Variants in FAM241A observed in about 807,000 individuals in gnomAD.
FAM241A encodes the protein family with sequence similarity 241 member A.
FAM241A carries 7 observed loss-of-function variants against 12.2 expected under a neutral mutation model. That is an observed-to-expected ratio of 0.58 (90% confidence interval 0.33 to 1.08). The LOEUF (loss-of-function observed/expected upper bound fraction) is 1.08. Ranked by LOEUF, FAM241A falls within the 50% of genes least tolerant of loss-of-function variation. FAM241A has a pLI of 0.04. For synonymous variants in FAM241A, 74 were observed against 68.2 expected (o/e 1.08, Z -0.42); for missense variants, 161 against 169.7 (o/e 0.95, Z 0.29).
At chr4:112,179,935 A>ATG (rs1553921429) in intron 1 of FAM241A, among the ~76,000 whole-genome samples, 4 of 127,980 alleles carry the variant, frequency 3.1e-5, no homozygotes, top group Non-Finnish European at 3.3e-5. Context: ...ATATATATAT[A>ATG]TATGTATATG....
intron 1 of FAM241A, among the ~76,000 whole-genome samples, chr4:112,154,293 C>CAA (rs1471804858): frequency 6.6e-6 from 1 of 152,088 alleles, no homozygotes; most frequent in African/African-American, 2.4e-5. Flanking sequence ...ATTTTTGAGA[C>CAA]AGAGTCCTTT....
intron 1 of FAM241A, among the ~76,000 whole-genome samples, chr4:112,160,660 A>C (rs1461648690): frequency 6.6e-6 from 1 of 152,244 alleles, no homozygotes; most frequent in Non-Finnish European, 1.5e-5. Flanking sequence ...AAGTTATACT[A>C]CAGAGCTTTA....
chr4:112,155,586 T>C (rs756822891), intron 1 of FAM241A, among the ~76,000 whole-genome samples: 16 of 151,818 alleles, frequency 1.1e-4, no homozygotes, highest in Non-Finnish European at 1.6e-4. Flanking sequence ...TAGTACATTT[T>C]TACATTTAAT....
At chr4:112,165,208 A>G (rs1219697460) in intron 1 of FAM241A, among the ~76,000 whole-genome samples, 1 of 152,238 alleles carries the variant, frequency 6.6e-6, no homozygotes, top group African/African-American at 2.4e-5. Context: ...ATGAGATATC[A>G]TCTCACACCA....
intron 1 of FAM241A, among the ~76,000 whole-genome samples, chr4:112,168,986 G>T (rs1365591550): frequency 1.3e-5 from 2 of 152,110 alleles, no homozygotes; most frequent in African/African-American, 4.8e-5. Context: ...TATTAGTCAT[G>T]CCTACATGTT....
chr4:112,153,020 T>C (rs571055026), intron 1 of FAM241A, among the ~76,000 whole-genome samples: 2 of 152,332 alleles, frequency 1.3e-5, no homozygotes, highest in South Asian at 2.1e-4. Context: ...CCTCCCCTTA[T>C]TTCCCTCAAC....
chr4:112,158,795 T>G (rs1283733758), intron 1 of FAM241A, among the ~76,000 whole-genome samples: 1 of 152,198 alleles, frequency 6.6e-6, no homozygotes, highest in Admixed American at 6.5e-5. Flanking sequence ...TCAGTGTATT[T>G]AGGATATCCA....
In FAM241A at chr4:112,193,291, G is replaced by T. The variant is rs1724202553; in HGVS notation, c.*6353G>T. 1 of 152,122 alleles carries T rather than the reference G, an allele frequency of 6.6e-6. No homozygotes were observed. Among genetic ancestry groups the T allele is most frequent in the African/African-American group, 2.4e-5 (1 of 41,400 alleles). The allele number at this position is 152,122 out of a possible 1,614,324, so 9.4% of individuals were successfully genotyped here. ...GGTTGCGAAAATTTTCTGCCATTTT[G>T]TAAGTTGCCTGTTCACTCTGATGGT... is the stretch of plus-strand genomic sequence containing the variant. On this transcript the variant is annotated 3_prime_UTR_variant, in exon 2 of 2. Transcript: ENST00000309733.
At chr4:112,156,763 T>C (rs1723361204) in intron 1 of FAM241A, among the ~76,000 whole-genome samples, 2 of 152,162 alleles carry the variant, frequency 1.3e-5, no homozygotes, top group Admixed American at 1.3e-4. Context: ...GAACTAGTGA[T>C]GTTAGTTGTG....
At chr4:112,156,587 T>A (rs532599490) in intron 1 of FAM241A, among the ~76,000 whole-genome samples, 12 of 152,334 alleles carry the variant, frequency 7.9e-5, no homozygotes, top group African/African-American at 2.9e-4. Context: ...TGTCAAAACT[T>A]CTTCTCCAAA....
rs968123374 is a variant in FAM241A at position 112,192,308 on chromosome 4, C to T, written c.*5370C>T. 2 of 151,730 alleles carry T rather than the reference C, an allele frequency of 1.3e-5. No homozygotes were observed. The highest frequency in any genetic ancestry group is 4.8e-5 in the African/African-American group (2 of 41,264). 9.4% of individuals were successfully genotyped at this position (151,730 alleles called of 1,614,324 possible). On this transcript the variant is annotated 3_prime_UTR_variant, in exon 2 of 2. Transcript: ENST00000309733. ...TTTTGTTCAGTATTTTTTAATAGACCTTTATTTACTACATTTTAATTTTTT... is the reference window on the plus strand; with the variant it reads ...TTTTGTTCAGTATTTTTTAATAGACTTTTATTTACTACATTTTAATTTTTT...
At chr4:112,178,487 T>C (rs1350126980) in intron 1 of FAM241A, among the ~76,000 whole-genome samples, 4 of 152,166 alleles carry the variant, frequency 2.6e-5, no homozygotes, top group African/African-American at 9.7e-5. Context: ...GCTTGTTTTG[T>C]CTGCTTTGTC....
At chr4:112,168,220 A>C (rs1484395364) in intron 1 of FAM241A, among the ~76,000 whole-genome samples, 2 of 152,258 alleles carry the variant, frequency 1.3e-5, no homozygotes, top group African/African-American at 4.8e-5. Context: ...GAGTTTTTTC[A>C]CAAGAAATGT....
intron 1 of FAM241A, among the ~76,000 whole-genome samples, chr4:112,164,147 G>A (rs1459609871): frequency 6.6e-6 from 1 of 150,918 alleles, no homozygotes; most frequent in African/African-American, 2.4e-5. Flanking sequence ...ATAGCATTAG[G>A]GGATATACCT....
intron 1 of FAM241A, among the ~76,000 whole-genome samples, chr4:112,184,171 T>C (rs1172124315): frequency 6.6e-6 from 1 of 152,218 alleles, no homozygotes; most frequent in African/African-American, 2.4e-5. Flanking sequence ...TAGATAACTC[T>C]ACAACATTTT....
At chr4:112,185,815 G>A (rs918800722) in intron 1 of FAM241A, among the ~76,000 whole-genome samples, 1 of 152,190 alleles carries the variant, frequency 6.6e-6, no homozygotes, top group Non-Finnish European at 1.5e-5. Flanking sequence ...GCTACTACTA[G>A]CAGGCACTAT....
At chr4:112,183,587 A>T (rs1418629600) in intron 1 of FAM241A, among the ~76,000 whole-genome samples, 1 of 132,514 alleles carries the variant, frequency 7.5e-6, no homozygotes, top group Non-Finnish European at 1.6e-5. Context: ...TCTTCGTACT[A>T]AAACCACAAA....
chr4:112,169,819 C>T (rs1018320712), intron 1 of FAM241A, among the ~76,000 whole-genome samples: 2 of 152,162 alleles, frequency 1.3e-5, no homozygotes, highest in African/African-American at 4.8e-5. Flanking sequence ...TATAACTAAT[C>T]CAGAGGCTTT....
At chr4:112,158,739 T>C (rs904288561) in intron 1 of FAM241A, among the ~76,000 whole-genome samples, 5 of 152,184 alleles carry the variant, frequency 3.3e-5, no homozygotes, top group African/African-American at 1.2e-4. Context: ...ACCATACTTA[T>C]GGGGCACATG....
Sources: allele counts gnomAD v4.1 joint callset (sites outside exome capture counted in the v4.1 genomes callset), GRCh38; gene constraint gnomAD v4.1.1; transcripts MANE v1.5; gene names NCBI Gene and HGNC (gene_info 2026-07-23, HGNC 2026-07-21).